The following CHIC1 variants were observed in gnomAD, a reference collection of about 807,000 sequenced individuals.
The protein encoded by CHIC1 is cysteine rich hydrophobic domain 1, also known as cysteine-rich hydrophobic domain-containing protein 1.
A neutral mutation model predicts 18.5 loss-of-function variants in CHIC1; 7 were observed. The observed-to-expected ratio is 0.38, with a 90% CI of 0.22 to 0.71. CHIC1 has a LOEUF of 0.71. Among genes scored for constraint, CHIC1 ranks in the 30% least tolerant of loss-of-function variants. The pLI is 0.49. For synonymous variants in CHIC1, 77 were observed against 73.5 expected (o/e 1.05, Z -0.25); for missense variants, 159 against 176.9 (o/e 0.90, Z 0.57).
chrX:73,588,015 T>C (rs1412822221), intron 3 of CHIC1, among the ~76,000 whole-genome samples: 1 of 111,883 alleles, frequency 8.9e-6, no homozygotes, highest in African/African-American at 3.2e-5. Flanking sequence ...TGTAGGATTG[T>C]ATCTGCTCTG....
At chrX:73,673,452 G>A (rs1303237070) in intron 3 of CHIC1, among the ~76,000 whole-genome samples, 2 of 111,685 alleles carry the variant, frequency 1.8e-5, no homozygotes, top group East Asian at 5.6e-4. Flanking sequence ...TCTCCTTGAA[G>A]AGGTCCTTCA....
intron 3 of CHIC1, among the ~76,000 whole-genome samples, chrX:73,646,246 C>T (rs2057888826): frequency 9.0e-6 from 1 of 111,693 alleles, no homozygotes; most frequent in Admixed American, 9.5e-5. Flanking sequence ...CTATCCTGTT[C>T]TATTGTCCAG....
At chrX:73,623,296 C>A (rs2057768690) in intron 3 of CHIC1, among the ~76,000 whole-genome samples, 1 of 110,279 alleles carries the variant, frequency 9.1e-6, no homozygotes, top group South Asian at 3.9e-4. Flanking sequence ...TAAAGTCTCC[C>A]ATTATTATTG....
At chrX:73,610,536 T>A (rs2057703505) in intron 3 of CHIC1, among the ~76,000 whole-genome samples, 1 of 107,427 alleles carries the variant, frequency 9.3e-6, no homozygotes. Context: ...CCTTCCCAAT[T>A]TGTTTTTATG....
chrX:73,611,351 A>G (rs1371804664), intron 3 of CHIC1, among the ~76,000 whole-genome samples: 1 of 108,586 alleles, frequency 9.2e-6, no homozygotes, highest in South Asian at 3.8e-4. Context: ...ACATGAACTC[A>G]TCATTTTTTA....
At chrX:73,563,689 G>C in intron 1 of CHIC1, 109 bp downstream of exon 1, 3 of 771,223 alleles carry the variant, frequency 3.9e-6, no homozygotes, top group Non-Finnish European at 5.2e-6. Context: ...GATTGACTGA[G>C]GCGTACACTT....
chrX:73,668,431 A>G (rs1399321404), intron 3 of CHIC1, among the ~76,000 whole-genome samples: 1 of 112,090 alleles, frequency 8.9e-6, no homozygotes, highest in Non-Finnish European at 1.9e-5. Flanking sequence ...ATTTGGAGGA[A>G]CAGGGGCACT....
At chrX:73,590,712 A>G (rs754394610) in intron 3 of CHIC1, among the ~76,000 whole-genome samples, 1 of 111,842 alleles carries the variant, frequency 8.9e-6, no homozygotes, top group South Asian at 3.6e-4. Context: ...TTGAAATTAT[A>G]TAGAATATAT....
chrX:73,641,877 C>T (rs2057858623), intron 3 of CHIC1, among the ~76,000 whole-genome samples: 1 of 111,712 alleles, frequency 9.0e-6, no homozygotes, highest in African/African-American at 3.3e-5. Context: ...CATAGTATTC[C>T]ATGGTGTATA....
At chrX:73,661,477 G>A (rs1470709996) in intron 3 of CHIC1, among the ~76,000 whole-genome samples, 1 of 111,756 alleles carries the variant, frequency 8.9e-6, no homozygotes, top group Non-Finnish European at 1.9e-5. Flanking sequence ...CTCCAATTTT[G>A]GTGGAAAAAT....
intron 3 of CHIC1, among the ~76,000 whole-genome samples, chrX:73,658,173 G>T (rs1014278044): frequency 9.6e-6 from 1 of 104,476 alleles, no homozygotes; most frequent in Non-Finnish European, 1.9e-5. Context: ...CAATTTATTG[G>T]AATAGTTTTA....
At chrX:73,603,999 C>T (rs2057666193) in intron 3 of CHIC1, among the ~76,000 whole-genome samples, 1 of 108,749 alleles carries the variant, frequency 9.2e-6, no homozygotes, top group Non-Finnish European at 1.9e-5. Context: ...GTTTTGGTAA[C>T]AGGATGATGC....
chrX:73,566,312 A>G (rs1039560872), intron 1 of CHIC1, among the ~76,000 whole-genome samples: 2 of 109,824 alleles, frequency 1.8e-5, no homozygotes, highest in African/African-American at 6.6e-5. Context: ...CAGTTTAATC[A>G]TGTCACTTTC....
intron 2 of CHIC1, chrX:73,578,758 A>T (rs894370419): frequency 3.6e-5 from 4 of 110,477 alleles, no homozygotes; most frequent in Admixed American, 9.6e-5. Context: ...TTGATGGGAG[A>T]AGAGGAATGT....
At chrX:73,569,161 A>G (rs894299306) in intron 1 of CHIC1, among the ~76,000 whole-genome samples, 3 of 111,797 alleles carry the variant, frequency 2.7e-5, no homozygotes, top group Non-Finnish European at 5.7e-5. Context: ...CAGTATTCCT[A>G]TAAGTGCATG....
At chrX:73,613,380 G>A (rs905671797) in intron 3 of CHIC1, among the ~76,000 whole-genome samples, 3 of 111,274 alleles carry the variant, frequency 2.7e-5, no homozygotes, top group Non-Finnish European at 5.7e-5. Context: ...TAATGAGTGA[G>A]TTCTCATTCT....
At chrX:73,645,786 G>A (rs1056668157) in intron 3 of CHIC1, among the ~76,000 whole-genome samples, 4 of 111,340 alleles carry the variant, frequency 3.6e-5, no homozygotes, top group Non-Finnish European at 7.5e-5. Flanking sequence ...AGTTTCTTAT[G>A]TTTTGGATAT....
chrX:73,661,198 AAAG>A (rs1569505097), intron 3 of CHIC1, among the ~76,000 whole-genome samples: 1 of 112,320 alleles, frequency 8.9e-6, no homozygotes, highest in Non-Finnish European at 1.9e-5. Flanking sequence ...GCAAAAGTTA[AAAG>A]AAGATGTTTA....
rs778008597 is a variant in CHIC1 at position 73,632,763 on chromosome X, C to CTTTTTTT, written c.508-46546_508-46540dup. The stretch of plus-strand genomic sequence containing the variant: ...TAACCACCATTACAGTATTGTTATT[C>CTTTTTTT]TTTTTTTTTTTTTTTTTTTTTTTGA... On this transcript the variant is annotated intron_variant, in intron 3 of 5. Coordinates refer to ENST00000373502, the MANE Select transcript of CHIC1 (RefSeq NM_001039840.4). Among the ~76,000 whole-genome samples the CTTTTTTT allele has an allele frequency of 7.7e-4, 49 of 63,642 alleles. 1 individual carries two copies. The highest frequency in any genetic ancestry group is 9.7e-4 in the East Asian group (2 of 2,066). The allele number at this position is 63,642 out of a possible 115,157, so 55.3% of individuals were successfully genotyped here. A position where few individuals can be genotyped will look rare whatever the true frequency, so the allele number is the denominator to read the frequency against.
Sources: gnomAD v4.1 joint callset for allele counts (sites outside exome capture counted in the v4.1 genomes callset) on GRCh38, gnomAD v4.1.1 for gene constraint, MANE v1.5 for transcripts, NCBI Gene and HGNC (gene_info 2026-07-23, HGNC 2026-07-21) for gene names.